The following TRIQK variants were observed in gnomAD, a reference collection of about 807,000 sequenced individuals.
The protein encoded by TRIQK is triple QxxK/R motif containing, also known as triple QxxK/R motif-containing protein.
Under a neutral mutation model 10.8 loss-of-function variants are expected in TRIQK, and 10 were observed. The observed-to-expected ratio is 0.92, with a 90% CI of 0.57 to 1.57. The LOEUF (loss-of-function observed/expected upper bound fraction) is 1.57. TRIQK is among the 40% of genes most tolerant of loss of function. TRIQK has a pLI of 0.00. For missense variants in TRIQK, 107 were observed against 97.7 expected (o/e 1.09, Z -0.40); for synonymous variants, 33 against 33.7 (o/e 0.98, Z 0.07).
intron 3 of TRIQK, among the ~76,000 whole-genome samples, chr8:92,901,443 G>T (rs1054208875): frequency 1.6e-4 from 25 of 152,040 alleles, no homozygotes; most frequent in African/African-American, 5.8e-4. Flanking sequence ...TTTTTGAGGG[G>T]TTTTTATCAT....
At position 92,937,838 on chromosome 8, in the gene TRIQK, T is replaced by A. The variant is rs769957007; in HGVS notation, c.-22+16568A>T. On this transcript the variant is annotated intron_variant, in intron 2 of 4. Transcript: ENST00000521988. ...GGATATTATTGTCATATGTTTCACA[T>A]CTATGTTTTTATCAATATAAACCAT... 2.0e-5 allele frequency among the ~76,000 whole-genome samples: 3 copies of A among 151,972 alleles called. No homozygotes were observed. The East Asian group carries it at 5.8e-4, about 29-fold the overall frequency.
At chr8:92,971,181 T>TG (rs1812873902) in intron 1 of TRIQK, among the ~76,000 whole-genome samples, 1 of 152,144 alleles carries the variant, frequency 6.6e-6, no homozygotes, top group Non-Finnish European at 1.5e-5. Flanking sequence ...AACACCGTGC[T>TG]TCTTTGGTTA....
At chr8:92,945,821 G>A (rs1471237058) in intron 2 of TRIQK, among the ~76,000 whole-genome samples, 1 of 151,776 alleles carries the variant, frequency 6.6e-6, no homozygotes, top group African/African-American at 2.4e-5. Flanking sequence ...ATTTTAAAAA[G>A]TACTAAAACA....
chr8:92,991,465 C>A (rs1336272556), intron 1 of TRIQK, among the ~76,000 whole-genome samples: 1 of 152,284 alleles, frequency 6.6e-6, no homozygotes, highest in Non-Finnish European at 1.5e-5. Context: ...CTGGGAGACA[C>A]CTTCCAGCAG....
At chr8:92,994,317 T>G (rs1476942402) in intron 1 of TRIQK, among the ~76,000 whole-genome samples, 1 of 152,154 alleles carries the variant, frequency 6.6e-6, no homozygotes, top group Non-Finnish European at 1.5e-5. Context: ...GCTCTTCTTT[T>G]ATTTATATAT....
intron 2 of TRIQK, among the ~76,000 whole-genome samples, chr8:92,941,614 T>TA (rs1423888512): frequency 1.3e-5 from 2 of 151,606 alleles, no homozygotes; most frequent in Non-Finnish European, 2.9e-5. Flanking sequence ...AAACAGAAAC[T>TA]AAAAAAATAC....
rs935755498 is a variant in TRIQK, at chr8:92,892,076, T to G, written c.62-2A>C. On this transcript the variant is annotated splice_acceptor_variant, in intron 3 of 4. Coordinates refer to ENST00000521988, the MANE Select transcript of TRIQK (RefSeq NM_001171797.2). LOFTEE classifies it high-confidence loss of function. ...TAGTTTTTTTATAATCCTGTTTACCTAGAAAGAAATAGTTTCAGACAATGA... is the reference window on the plus strand; with the variant it reads ...TAGTTTTTTTATAATCCTGTTTACCGAGAAAGAAATAGTTTCAGACAATGA... 6 of 1,491,412 alleles carry G rather than the reference T, an allele frequency of 4.0e-6. No individual in the cohort carries two copies. Among genetic ancestry groups the G allele is most frequent in the Middle Eastern group, 1.7e-4 (1 of 5,860 alleles). 92.4% of individuals were successfully genotyped at this position (1,491,412 alleles called of 1,614,324 possible).
At chr8:92,977,046 A>G (rs1213840266) in intron 1 of TRIQK, among the ~76,000 whole-genome samples, 1 of 151,980 alleles carries the variant, frequency 6.6e-6, no homozygotes, top group Non-Finnish European at 1.5e-5. Context: ...AAAAATGTAT[A>G]TTTACCCACA....
chr8:92,910,817 C>T (rs1809530110), intron 3 of TRIQK, among the ~76,000 whole-genome samples: 1 of 151,026 alleles, frequency 6.6e-6, no homozygotes. Context: ...GAAAACATAG[C>T]TTCAAATATA....
chr8:92,994,170 T>C (rs1813126792), intron 1 of TRIQK, among the ~76,000 whole-genome samples: 1 of 152,216 alleles, frequency 6.6e-6, no homozygotes, highest in Non-Finnish European at 1.5e-5. Flanking sequence ...TTAATAGTTT[T>C]AGTTAATATT....
rs569725093 is a variant in TRIQK, at chr8:92,998,401, ATTGT to A, written c.-181+19204_-181+19207del. On this transcript the variant is annotated intron_variant, in intron 1 of 4. Transcript: ENST00000520686. ...TAAGAAAGACAATTTGGCAGAGAAGATTGTTTGATAATAGAACAGTTTACTGAAA... is the reference window on the plus strand; with the variant it reads ...TAAGAAAGACAATTTGGCAGAGAAGATTGATAATAGAACAGTTTACTGAAA... 4.8e-3 allele frequency among the ~76,000 whole-genome samples: 732 copies of A among 152,154 alleles called. 2 individuals are homozygous for A. The highest frequency in any genetic ancestry group is 8.0e-3 in the Non-Finnish European group (545 of 67,880).
At chr8:93,015,909 A>G (rs1178995659) in intron 1 of TRIQK, among the ~76,000 whole-genome samples, 1 of 151,738 alleles carries the variant, frequency 6.6e-6, no homozygotes, top group East Asian at 1.9e-4. Flanking sequence ...TCCACAAAAC[A>G]CCTTGTGCAT....
chr8:92,905,907 T>G lies in TRIQK; in HGVS notation c.61+11022A>C, dbSNP rs556040596. The stretch of plus-strand genomic sequence containing the variant: ...CAAATGGATAGAGAACTGACTACCT[T>G]GTCATGAGACTCAGGGATCATCTGG... On this transcript the variant is annotated intron_variant, in intron 3 of 4. Coordinates refer to ENST00000521988, the MANE Select transcript of TRIQK (RefSeq NM_001171797.2). 4.6e-5 allele frequency among the ~76,000 whole-genome samples: 7 copies of G among 152,316 alleles called. No individual in the cohort carries two copies. In the South Asian group the frequency reaches 1.4e-3, roughly 32 times the overall value.
chr8:93,004,317 A>T (rs939802861), intron 1 of TRIQK, among the ~76,000 whole-genome samples: 2 of 152,202 alleles, frequency 1.3e-5, no homozygotes, highest in African/African-American at 4.8e-5. Flanking sequence ...GCACCCTCAC[A>T]GCCATGATCT....
chr8:92,980,141 T>C (rs1440632026), intron 1 of TRIQK, among the ~76,000 whole-genome samples: 2 of 152,088 alleles, frequency 1.3e-5, no homozygotes, highest in African/African-American at 4.8e-5. Context: ...TTTTACTAAA[T>C]GTCTTTATTA....
intron 1 of TRIQK, among the ~76,000 whole-genome samples, chr8:93,011,046 G>C (rs1420460143): frequency 6.6e-6 from 1 of 152,006 alleles, no homozygotes; most frequent in South Asian, 2.1e-4. Flanking sequence ...GCACCAAAAT[G>C]GTGATACTTA....
intron 3 of TRIQK, among the ~76,000 whole-genome samples, chr8:92,893,176 T>C (rs1047217551): frequency 5.9e-5 from 9 of 151,992 alleles, no homozygotes; most frequent in Non-Finnish European, 1.3e-4. Context: ...AACTCAAGTA[T>C]ATCATAAAAA....
intron 3 of TRIQK, among the ~76,000 whole-genome samples, chr8:92,900,164 T>C (rs957348114): frequency 1.3e-5 from 2 of 152,248 alleles, no homozygotes; most frequent in Middle Eastern, 3.4e-3. Context: ...CTTTGTTAGA[T>C]AGTTTGCAAA....
At chr8:93,004,324 A>G (rs1813246050) in intron 1 of TRIQK, among the ~76,000 whole-genome samples, 2 of 152,208 alleles carry the variant, frequency 1.3e-5, no homozygotes, top group South Asian at 4.1e-4. Flanking sequence ...CACAGCCATG[A>G]TCTGAGCTGT....
Sources: allele counts gnomAD v4.1 joint callset (sites outside exome capture counted in the v4.1 genomes callset), GRCh38; gene constraint gnomAD v4.1.1; transcripts MANE v1.5; gene names NCBI Gene and HGNC (gene_info 2026-07-23, HGNC 2026-07-21).